PPARA: variants seen among roughly 807,000 people sequenced by gnomAD.
PPARA encodes peroxisome proliferator-activated receptor alpha.
PPARA carries 22 observed loss-of-function variants against 42.2 expected under a neutral mutation model. That is an observed-to-expected ratio of 0.52 (90% CI 0.37 to 0.74). PPARA has a LOEUF of 0.74. PPARA is among the 30% of genes least tolerant of loss of function. The pLI is 0.00. For missense variants in PPARA, 465 were observed against 608.2 expected, an observed-to-expected ratio of 0.76 and a Z score of 2.48; for synonymous variants, 242 against 239.3, an observed-to-expected ratio of 1.01 and a Z score of -0.10.
rs951925793 is a variant in PPARA, at chr22:46,224,912, G to A, written c.711+4898G>A. ...GCCTTTCTTCTGTCAAGATCAGCTC[G>A]TGGCCTTCAGATCAGATGACGCAAA... On this transcript the variant is annotated intron_variant, in intron 7 of 8. Coordinates refer to ENST00000407236, the MANE Select transcript of PPARA (RefSeq NM_005036.6). The surrounding 1 kb of genome is among the most constrained non-coding windows in gnomAD (Gnocchi z 5.7). 1.3e-5 allele frequency among the ~76,000 whole-genome samples: 2 copies of A among 149,048 alleles called. No homozygotes were observed. The highest frequency in any genetic ancestry group is 2.4e-5 in the African/African-American group (1 of 40,926).
At position 46,195,114 on chromosome 22, in the gene PPARA, G is replaced by C. The variant is rs1932072666; in HGVS notation, c.-42-3228G>C. 6.6e-6 allele frequency among the ~76,000 whole-genome samples: 1 copy of C among 150,556 alleles called. No homozygotes were observed. The highest frequency in any genetic ancestry group is 1.5e-5 in the Non-Finnish European group (1 of 67,732). ...GACGGGGTTTCACCCTGTTGGCCAG[G>C]CTGGTTTCGAACTCCTGACCTTAAG... On this transcript the variant is annotated intron_variant, in intron 3 of 8. Transcript: ENST00000407236. This position sits in a 1 kb window ranked among gnomAD's most constrained non-coding sequence, Gnocchi z 4.6.
rs945496500 is a variant in PPARA at position 46,182,473 on chromosome 22, C to T, written c.-43+5637C>T. Among the ~76,000 whole-genome samples the T allele has an allele frequency of 3.9e-5, 6 of 152,146 alleles. No individual in the cohort carries two copies. The highest frequency in any genetic ancestry group is 1.4e-4 in the African/African-American group (6 of 41,430). Reference sequence around the variant, plus strand: ...ACAGGAAAAATAAGTATAATACATACTGCTTGATTCTATTTGTATAAAACT... The same window carrying T: ...ACAGGAAAAATAAGTATAATACATATTGCTTGATTCTATTTGTATAAAACT... On this transcript the variant is annotated intron_variant, in intron 3 of 8. Coordinates refer to ENST00000407236, the MANE Select transcript of PPARA (RefSeq NM_005036.6). The surrounding 1 kb of genome is among the most constrained non-coding windows in gnomAD (Gnocchi z 5.2).
At chr22:46,198,948 C>T (rs1021048840) in intron 4 of PPARA, among the ~76,000 whole-genome samples, 14 of 152,110 alleles carry the variant, frequency 9.2e-5, no homozygotes, top group African/African-American at 2.9e-4. Context: ...CGTGAGCCAC[C>T]GCGCCCGGCC....
rs1281267973 is a variant in PPARA at position 46,233,290 on chromosome 22, G to A, written c.1159+1051G>A. ...GAGGAAGCAGATCCCAGGGAAGGCC[G>A]ATCTGGTCCTCTCTGTGGAAGCTGG... On this transcript the variant is annotated intron_variant, in intron 8 of 8. Transcript: ENST00000407236. This position sits in a 1 kb window ranked among gnomAD's most constrained non-coding sequence, Gnocchi z 7.3. 6.6e-6 allele frequency among the ~76,000 whole-genome samples: 1 copy of A among 152,118 alleles called. No homozygotes were observed.
chr22:46,179,239 A>G (rs1298085402), intron 3 of PPARA, among the ~76,000 whole-genome samples: 1 of 152,218 alleles, frequency 6.6e-6, no homozygotes, highest in Non-Finnish European at 1.5e-5. Flanking sequence ...GATACATTCA[A>G]AGTATAGCAA....
intron 2 of PPARA, among the ~76,000 whole-genome samples, chr22:46,174,360 G>A (rs543949634): frequency 1.4e-4 from 21 of 151,822 alleles, no homozygotes; most frequent in African/African-American, 3.4e-4. Context: ...TTTTGGGGGT[G>A]CAACTTTTCT....
intron 3 of PPARA, among the ~76,000 whole-genome samples, chr22:46,186,514 C>G (rs1023294840): frequency 6.6e-6 from 1 of 152,184 alleles, no homozygotes; most frequent in Non-Finnish European, 1.5e-5. Context: ...GAGGAAGGAG[C>G]AGCACCATGT....
At position 46,160,581 on chromosome 22, in the gene PPARA, C is replaced by A. The variant is rs1441742089; in HGVS notation, c.-127+8611C>A. 6.6e-6 allele frequency among the ~76,000 whole-genome samples: 1 copy of A among 151,806 alleles called. No homozygotes were observed. The highest frequency in any genetic ancestry group is 1.5e-5 in the Non-Finnish European group (1 of 67,960). ...AAAGTGCTGGGATTACAGGCGTGAG[C>A]CACCGCACCTGGCCCAATATTGTTT... is the stretch of plus-strand genomic sequence containing the variant. On this transcript the variant is annotated intron_variant, in intron 2 of 8. Transcript: ENST00000407236. The surrounding 1 kb of genome is among the most constrained non-coding windows in gnomAD (Gnocchi z 4.5).
At position 46,241,936 on chromosome 22, in the gene PPARA, G is replaced by A. The variant is rs934275534; in HGVS notation, c.*6556G>A. 2 of 148,672 alleles carry A rather than the reference G, an allele frequency of 1.3e-5. No homozygotes were observed. Among genetic ancestry groups the A allele is most frequent in the Middle Eastern group, 3.3e-3 (1 of 306 alleles). The allele number at this position is 148,672 out of a possible 1,614,324, so 9.2% of individuals were successfully genotyped here. A position where few individuals can be genotyped will look rare whatever the true frequency, so the allele number is the denominator to read the frequency against. On this transcript the variant is annotated 3_prime_UTR_variant, in exon 9 of 9. Coordinates refer to ENST00000407236, the MANE Select transcript of PPARA (RefSeq NM_005036.6). This position sits in a 1 kb window ranked among gnomAD's most constrained non-coding sequence, Gnocchi z 5.7. ...TTGAAAAAAAAAAAAAAAAAAGAGA[G>A]AAAAAATAATTGATTTTTACATCAG...
Position 46,151,440 on chromosome 22 carries a change from G to A in PPARA, c.-209-448G>A, listed in dbSNP as rs371601251. Among the ~76,000 whole-genome samples, 24 of 152,364 alleles carry A rather than the reference G, an allele frequency of 1.6e-4. 1 individual carries two copies. The highest frequency in any genetic ancestry group is 5.8e-4 in the African/African-American group (24 of 41,598). ...TGCGGGTGAAGCTGGAGGGGCGCGG[G>A]GTGGTGCCAGTGGAAGTCAGGAGGG... is the stretch of plus-strand genomic sequence containing the variant. On this transcript the variant is annotated intron_variant, in intron 1 of 8. Transcript: ENST00000407236.
rs540505194 is a variant in PPARA at position 46,234,054 on chromosome 22, C to T, written c.1160-1079C>T. Among the ~76,000 whole-genome samples, 1 of 152,062 alleles carries T rather than the reference C, an allele frequency of 6.6e-6. No homozygotes were observed. The highest frequency in any genetic ancestry group is 1.5e-5 in the Non-Finnish European group (1 of 68,020). On this transcript the variant is annotated intron_variant, in intron 8 of 8. Transcript: ENST00000407236. This position sits in a 1 kb window ranked among gnomAD's most constrained non-coding sequence, Gnocchi z 5.8. ...GGCCAGGCTGGTCTCAAACTCCTGA[C>T]CCCGGGTGACCCACCCACCTCGGCC... is the stretch of plus-strand genomic sequence containing the variant.
At position 46,180,501 on chromosome 22, in the gene PPARA, T is replaced by C. The variant is rs1929799698; in HGVS notation, c.-43+3665T>C. Among the ~76,000 whole-genome samples, 1 of 152,216 alleles carries C rather than the reference T, an allele frequency of 6.6e-6. No homozygotes were observed. The highest frequency in any genetic ancestry group is 1.5e-5 in the Non-Finnish European group (1 of 68,044). On this transcript the variant is annotated intron_variant, in intron 3 of 8. Coordinates refer to ENST00000407236, the MANE Select transcript of PPARA (RefSeq NM_005036.6). This position sits in a 1 kb window ranked among gnomAD's most constrained non-coding sequence, Gnocchi z 4.2. ...TTTGTAAGTTCTGTAAATTCCTGTT[T>C]TCCCTGCACAGCTGCAAGTTCACAA...
chr22:46,210,994 C>G (rs1239541329), intron 4 of PPARA, among the ~76,000 whole-genome samples: 5 of 152,188 alleles, frequency 3.3e-5, no homozygotes, highest in Non-Finnish European at 5.9e-5. Flanking sequence ...CTTCAGTGAT[C>G]TTCCACTGTG....
intron 7 of PPARA, among the ~76,000 whole-genome samples, chr22:46,226,203 G>A (rs1935441151): frequency 6.6e-6 from 1 of 150,668 alleles, no homozygotes; most frequent in African/African-American, 2.4e-5. Flanking sequence ...ACACTCACAT[G>A]TGTGCACATA....
rs887733877 is a variant in PPARA, at chr22:46,192,264, G to C, written c.-42-6078G>C. Among the ~76,000 whole-genome samples the C allele has an allele frequency of 3.9e-5, 6 of 152,160 alleles. No homozygotes were observed. The highest frequency in any genetic ancestry group is 1.4e-4 in the African/African-American group (6 of 41,424). ...CCAGAATTGGGCCCAAGATGCTGCA[G>C]GAATCTATAGGTGAATGGGTTTCAT... On this transcript the variant is annotated intron_variant, in intron 3 of 8. Coordinates refer to ENST00000407236, the MANE Select transcript of PPARA (RefSeq NM_005036.6). The surrounding 1 kb of genome is among the most constrained non-coding windows in gnomAD (Gnocchi z 4.3).
chr22:46,186,840 T>C (rs574834972), intron 3 of PPARA, among the ~76,000 whole-genome samples: 2 of 152,204 alleles, frequency 1.3e-5, no homozygotes, highest in East Asian at 3.9e-4. Flanking sequence ...TCAGATAGTA[T>C]CAAGCCCTAT....
rs908792791 is a variant in PPARA at position 46,156,955 on chromosome 22, T to C, written c.-127+4985T>C. The stretch of plus-strand genomic sequence containing the variant: ...CTCAGGTTTTGGCAGGGCTATACCT[T>C]GTGTTTGCTCTTACTCCAACTCCAT... On this transcript the variant is annotated intron_variant, in intron 2 of 8. Coordinates refer to ENST00000407236, the MANE Select transcript of PPARA (RefSeq NM_005036.6). The surrounding 1 kb of genome is among the most constrained non-coding windows in gnomAD (Gnocchi z 5.2). Among the ~76,000 whole-genome samples, 26 of 152,136 alleles carry C rather than the reference T, an allele frequency of 1.7e-4. No homozygotes were observed. The highest frequency in any genetic ancestry group is 7.9e-4 in the Admixed American group (12 of 15,262).
rs113379388 is a variant in PPARA at position 46,218,311 on chromosome 22, G to T, written c.418G>T (p.Asp140Tyr). The T allele has an allele frequency of 1.2e-6, 2 of 1,613,850 alleles. No homozygotes were observed. Among genetic ancestry groups the T allele is most frequent in the South Asian group, 1.1e-5 (1 of 91,060 alleles). Reference sequence around the variant, plus strand: ...ACTCAAGCTGGTGTATGACAAGTGCGACCGCAGCTGCAAGATCCAGAAAAA... The same window carrying T: ...ACTCAAGCTGGTGTATGACAAGTGCTACCGCAGCTGCAAGATCCAGAAAAA... ...IRLKLVYDKC[D>Y]RSCKIQKKNR... Residue 140 changes from aspartate to tyrosine, a missense_variant, in exon 6 of 9, where the codon GAC becomes TAC. Around this residue, in one of 2 missense-constraint regions of PPARA, gnomAD observed 313 missense variants for 469.1 expected, o/e 0.67. Transcript: ENST00000407236.
chr22:46,170,402 ATTTTTTTTTTT>A (rs935185946), intron 2 of PPARA, among the ~76,000 whole-genome samples: 9 of 64,210 alleles, frequency 1.4e-4, no homozygotes, highest in South Asian at 5.9e-4. Context: ...CACCCAGCTA[ATTTTTTTTTTT>A]TTTTTTTTTT....
Sources: gnomAD v4.1 joint callset for allele counts (sites outside exome capture counted in the v4.1 genomes callset) on GRCh38, gnomAD v4.1.1 for gene constraint, gnomAD v4.1.1 regional missense constraint, Gnocchi (gnomAD v3.1) non-coding constraint, MANE v1.5 for transcripts, NCBI Gene and HGNC (gene_info 2026-07-23, HGNC 2026-07-21) for gene names.